Variants in ZNF639 observed in about 807,000 individuals in gnomAD.
ZNF639 encodes the protein zinc finger amplified in esophageal squamous cell carcinomas 1.
A neutral mutation model predicts 39.8 loss-of-function variants in ZNF639; 20 were observed. The observed-to-expected ratio is 0.50, with a 90% CI of 0.35 to 0.73. The LOEUF (loss-of-function observed/expected upper bound fraction) is 0.73. Among genes scored for constraint, ZNF639 ranks in the 30% least tolerant of loss-of-function variants. The probability of loss-of-function intolerance (pLI) is 0.00; values close to 1 mark genes in which losing one functional copy is unlikely to be tolerated. For synonymous variants in ZNF639, 176 were observed against 189.8 expected, an observed-to-expected ratio of 0.93 and a Z score of 0.60; for missense variants, 477 against 566.2, an observed-to-expected ratio of 0.84 and a Z score of 1.60.
chr3:179,336,407 CTGTT>C lies in ZNF639; in HGVS notation c.*1988_*1991del, dbSNP rs1307668789. 2.6e-5 allele frequency: 4 copies of C among 152,294 alleles called. No individual in the cohort carries two copies. The highest frequency in any genetic ancestry group is 1.3e-4 in the Admixed American group (2 of 15,294). 9.4% of individuals were successfully genotyped at this position (152,294 alleles called of 1,614,324 possible). A position where few individuals can be genotyped will look rare whatever the true frequency, so the allele number is the denominator to read the frequency against. ...GATTTTCCCACTTCAAGAATTTAGTCTGTTTGGACAATGGTGGCTGCAAGTATTC... is the reference window on the plus strand; with the variant it reads ...GATTTTCCCACTTCAAGAATTTAGTCTGGACAATGGTGGCTGCAAGTATTC... On this transcript the variant is annotated 3_prime_UTR_variant, in exon 6 of 6. Coordinates refer to ENST00000496856, the MANE Select transcript of ZNF639 (RefSeq NM_001303426.2).
In ZNF639 at chr3:179,333,015, A is replaced by G; in HGVS notation, c.196A>G (p.Asn66Asp). ...TGATGATTCTGATACCGAGACGTCA[A>G]ATGACTTGCCAAAATTTGCAGATGG... Reference protein sequence around the residue: ...KDDDSDTETSNDLPKFADGIK... With the variant: ...KDDDSDTETSDDLPKFADGIK... The change falls in exon 5 of 6, where the codon AAT becomes GAT. Residue 66 changes from asparagine (N) to aspartate (D), a missense_variant. Transcript: ENST00000496856. 1 of 1,555,120 alleles carries G rather than the reference A, an allele frequency of 6.4e-7. No individual in the cohort carries two copies. Among genetic ancestry groups the G allele is most frequent in the East Asian group, 2.4e-5 (1 of 41,138 alleles).
chr3:179,326,245 C>T (rs979248813), intron 1 of ZNF639, among the ~76,000 whole-genome samples: 3 of 152,118 alleles, frequency 2.0e-5, no homozygotes, highest in African/African-American at 4.8e-5. Context: ...CCCGTAATCC[C>T]GGCCACTCAG....
Position 179,328,352 on chromosome 3 carries a change from G to A in ZNF639, c.58+1G>A, listed in dbSNP as rs1328384104. The A allele has an allele frequency of 6.4e-7, 1 of 1,573,232 alleles. No homozygotes were observed. Among genetic ancestry groups the A allele is most frequent in the Non-Finnish European group, 8.6e-7 (1 of 1,158,424 alleles). On this transcript the variant is annotated splice_donor_variant, in intron 3 of 5. Coordinates refer to ENST00000496856, the MANE Select transcript of ZNF639 (RefSeq NM_001303426.2). LOFTEE classifies it high-confidence loss of function. ...ACTCTACACCCTTCTCGTTATTCAG[G>A]TCAGTGTATAATTATTTTAAAGTTG... is the stretch of plus-strand genomic sequence containing the variant.
intron 3 of ZNF639, among the ~76,000 whole-genome samples, chr3:179,329,379 T>C (rs1276791107): frequency 6.6e-6 from 1 of 152,228 alleles, no homozygotes; most frequent in African/African-American, 2.4e-5. Flanking sequence ...ATAAAACAAA[T>C]GTATCCTTGT....
chr3:179,332,880 C>G (rs1432824226), intron 4 of ZNF639, 109 bp from the exon 5 acceptor site: 4 of 1,377,818 alleles, frequency 2.9e-6, no homozygotes, highest in Non-Finnish European at 3.8e-6. Context: ...AATCCAAGTC[C>G]TTAGTTCCTG....
In ZNF639 at chr3:179,329,706, T is replaced by G. The variant is rs1169302405; in HGVS notation, c.147T>G (p.Asp49Glu). The change falls in exon 4 of 6, where the codon GAT becomes GAG. Residue 49 changes from aspartate (D) to glutamate (E), a missense_variant. Coordinates refer to ENST00000496856, the MANE Select transcript of ZNF639 (RefSeq NM_001303426.2). ...CYSVCSMRQP[D>E]LKYFDNKDDD... is the part of the protein sequence containing the mutation. ...GTGTCTGTTCTATGAGACAGCCAGA[T>G]TTAAAATATTTTGACAACAAAGGTA... 6.3e-7 allele frequency: 1 copy of G among 1,598,476 alleles called. No individual in the cohort carries two copies. The highest frequency in any genetic ancestry group is 2.3e-5 in the East Asian group (1 of 44,442).
intron 4 of ZNF639, 127 bp from the exon 5 acceptor site, chr3:179,332,862 T>A: frequency 1.5e-6 from 2 of 1,304,668 alleles, no homozygotes; most frequent in Non-Finnish European, 2.0e-6. Context: ...CTTATCTTTT[T>A]ATGACTAAAT....
rs1291755710 is a variant in ZNF639 at position 179,334,933 on chromosome 3, T to C, written c.*511T>C. ...AGATTTGGTTTTCATGGCAGTCTGT[T>C]TTTTTAAAAAAAAATTTTTGAGCCA... is the stretch of plus-strand genomic sequence containing the variant. On this transcript the variant is annotated 3_prime_UTR_variant, in exon 6 of 6. Coordinates refer to ENST00000496856, the MANE Select transcript of ZNF639 (RefSeq NM_001303426.2). 6.6e-6 allele frequency: 1 copy of C among 152,186 alleles called. No homozygotes were observed. The highest frequency in any genetic ancestry group is 2.4e-5 in the African/African-American group (1 of 41,426). 9.4% of individuals were successfully genotyped at this position (152,186 alleles called of 1,614,324 possible).
At chr3:179,331,639 G>A (rs1230786781) in intron 4 of ZNF639, among the ~76,000 whole-genome samples, 1 of 152,040 alleles carries the variant, frequency 6.6e-6, no homozygotes, top group Non-Finnish European at 1.5e-5. Context: ...GCTGGGCGTG[G>A]TGGTGCGTGC....
chr3:179,337,142 T>G lies in ZNF639; in HGVS notation c.*2720T>G, dbSNP rs1221228944. 1 of 151,496 alleles carries G rather than the reference T, an allele frequency of 6.6e-6. No individual in the cohort carries two copies. Among genetic ancestry groups the G allele is most frequent in the Non-Finnish European group, 1.5e-5 (1 of 67,944 alleles). The allele number at this position is 151,496 out of a possible 1,614,324, so 9.4% of individuals were successfully genotyped here. A position where few individuals can be genotyped will look rare whatever the true frequency, so the allele number is the denominator to read the frequency against. On this transcript the variant is annotated 3_prime_UTR_variant, in exon 6 of 6. Transcript: ENST00000496856. The stretch of plus-strand genomic sequence containing the variant: ...TGGGCGTGGTGGTGGGCACCTGTAG[T>G]CCCAGCTACTCGGGAGGCTGAGGCA...
chr3:179,327,388 T>A (rs1727656654), intron 1 of ZNF639, among the ~76,000 whole-genome samples, 173 bp from the exon 2 acceptor site: 1 of 152,202 alleles, frequency 6.6e-6, no homozygotes, highest in African/African-American at 2.4e-5. Context: ...TATAATCACA[T>A]ATTTATCAAG....
chr3:179,333,159 G>T, intron 5 of ZNF639, 36 bp downstream of exon 5: 1 of 1,569,810 alleles, frequency 6.4e-7, no homozygotes, highest in East Asian at 2.2e-5. Flanking sequence ...GATATATTTT[G>T]TATTGGTGAA....
intron 4 of ZNF639, among the ~76,000 whole-genome samples, chr3:179,332,377 C>T (rs1316517785): frequency 6.6e-6 from 1 of 152,198 alleles, no homozygotes; most frequent in Non-Finnish European, 1.5e-5. Flanking sequence ...AATCCCAGGT[C>T]TTTGGGAGGC....
At chr3:179,331,713 TGTG>T (rs1413539624) in intron 4 of ZNF639, among the ~76,000 whole-genome samples, 2 of 145,710 alleles carry the variant, frequency 1.4e-5, no homozygotes, top group Non-Finnish European at 3.0e-5. Context: ...AGGCGGAGGT[TGTG>T]GTGAGCCGAG....
chr3:179,332,751 C>T (rs577962372), intron 4 of ZNF639, among the ~76,000 whole-genome samples: 1 of 152,226 alleles, frequency 6.6e-6, no homozygotes, highest in South Asian at 2.1e-4. Context: ...AACTTAAAAT[C>T]CTAAGGAACT....
chr3:179,333,974 T>C lies in ZNF639; in HGVS notation c.1010T>C (p.Val337Ala). Reference protein sequence around the residue: ...NDPEDLHSHVVNEHACKLIEL... With the variant: ...NDPEDLHSHVANEHACKLIEL... ...CCAGAAGACTTGCATAGCCATGTGG[T>C]AAATGAGCATGCATGTAAATTAATA... Residue 337 changes from valine (V) to alanine (A), a missense_variant, in exon 6 of 6, where the codon GTA (valine) becomes GCA (alanine). Physicochemically the swap from Val to Ala is moderately conservative, Grantham distance 64. Coordinates refer to ENST00000496856, the MANE Select transcript of ZNF639 (RefSeq NM_001303426.2). 1.2e-6 allele frequency: 2 copies of C among 1,614,166 alleles called. No individual in the cohort carries two copies. The highest frequency in any genetic ancestry group is 2.2e-5 in the South Asian group (2 of 91,084).
At chr3:179,331,910 G>T (rs1027679389) in intron 4 of ZNF639, among the ~76,000 whole-genome samples, 2 of 151,920 alleles carry the variant, frequency 1.3e-5, no homozygotes, top group African/African-American at 4.8e-5. Context: ...TGATGAAAAT[G>T]GCAATTTACC....
chr3:179,322,923 G>T, upstream of ZNF639: 1 of 985,024 alleles, frequency 1.0e-6, no homozygotes, highest in Non-Finnish European at 1.2e-6. Flanking sequence ...CCTCCCCCGG[G>T]GCTGCGGGCC....
chr3:179,329,857 T>C, intron 4 of ZNF639, 129 bp downstream of exon 4: 1 of 471,106 alleles, frequency 2.1e-6, no homozygotes, highest in Non-Finnish European at 3.8e-6. Flanking sequence ...TTTGTTACAA[T>C]GTAAGAAAAC....
Sources: allele counts gnomAD v4.1 joint callset (sites outside exome capture counted in the v4.1 genomes callset), GRCh38; gene constraint gnomAD v4.1.1; transcripts MANE v1.5; gene names NCBI Gene and HGNC (gene_info 2026-07-23, HGNC 2026-07-21).